The following AEBP2 variants were observed in gnomAD, a reference collection of about 807,000 sequenced individuals.
AEBP2 encodes zinc finger protein AEBP2.
AEBP2 carries 10 observed loss-of-function variants against 50.8 expected under a neutral mutation model. The observed-to-expected ratio is 0.20, with a 90% CI of 0.12 to 0.33. AEBP2 has a LOEUF of 0.33. Ranked by LOEUF, AEBP2 falls within the 10% of genes least tolerant of loss-of-function variation. AEBP2 has a pLI of 1.00. For missense variants in AEBP2, 570 were observed against 688.0 expected (o/e 0.83, Z 1.92); for synonymous variants, 296 against 261.3 (o/e 1.13, Z -1.28).
chr12:19,509,946 C>T (rs1217090647), intron 5 of AEBP2, among the ~76,000 whole-genome samples: 3 of 149,304 alleles, frequency 2.0e-5, no homozygotes, highest in Non-Finnish European at 4.4e-5. Context: ...AATTCTCCTG[C>T]CTCAGCCTCC....
At chr12:19,512,969 C>T (rs1252380213) in intron 6 of AEBP2, among the ~76,000 whole-genome samples, 1 of 151,984 alleles carries the variant, frequency 6.6e-6, no homozygotes, top group African/African-American at 2.4e-5. Context: ...ACAAAACAAA[C>T]AAAAATCTTA....
chr12:19,456,227 A>T, intron 1 of AEBP2: 1 of 1,480,426 alleles, frequency 6.8e-7, no homozygotes, highest in Non-Finnish European at 9.3e-7. Flanking sequence ...CCGGGGTGGC[A>T]GGTATTAGGG....
chr12:19,409,248 A>G (rs981523274), intron 1 of AEBP2, among the ~76,000 whole-genome samples: 4 of 152,142 alleles, frequency 2.6e-5, no homozygotes, highest in Non-Finnish European at 5.9e-5. Context: ...GCAAAATCAT[A>G]TTAGTTCAAT....
upstream of AEBP2, among the ~76,000 whole-genome samples, chr12:19,438,808 G>GT (rs1947889004): frequency 6.6e-6 from 1 of 152,102 alleles, no homozygotes; most frequent in Non-Finnish European, 1.5e-5. Flanking sequence ...TTTCCAAACT[G>GT]TATTTTAAAA....
chr12:19,504,645 A>G (rs10770498), intron 5 of AEBP2, among the ~76,000 whole-genome samples: 91,166 of 151,882 alleles, frequency 0.6, 29,104 homozygotes, highest in Non-Finnish European at 0.73. Flanking sequence ...GATATGTGTG[A>G]TACTACAGGG....
intron 1 of AEBP2, among the ~76,000 whole-genome samples, chr12:19,453,682 C>G (rs190281279): frequency 9.6e-4 from 146 of 152,244 alleles, no homozygotes; most frequent in Admixed American, 5.9e-3. Flanking sequence ...CCTTGGCCTC[C>G]CAAAGTGCTG....
At chr12:19,458,846 C>G (rs556436578) in intron 1 of AEBP2, among the ~76,000 whole-genome samples, 1 of 152,304 alleles carries the variant, frequency 6.6e-6, no homozygotes, top group Non-Finnish European at 1.5e-5. Flanking sequence ...ATAAGTTTCT[C>G]TCCCACTCTT....
chr12:19,518,227 T>C lies in AEBP2; in HGVS notation c.*110T>C. ...TTAGAGTCAACCCCTTCTTTTTTTT[T>C]TTTTTTTTTTTAAATCCAGTATTTA... is the stretch of plus-strand genomic sequence containing the variant. On this transcript the variant is annotated 3_prime_UTR_variant, in exon 8 of 8. Transcript: ENST00000266508. 7.2e-7 allele frequency: 1 copy of C among 1,386,234 alleles called. No individual in the cohort carries two copies. Among genetic ancestry groups the C allele is most frequent in the South Asian group, 1.7e-5 (1 of 57,160 alleles). The allele number at this position is 1,386,234 out of a possible 1,614,324, so 85.9% of individuals were successfully genotyped here. A position where few individuals can be genotyped will look rare whatever the true frequency, so the allele number is the denominator to read the frequency against.
Position 19,514,801 on chromosome 12 carries a change from C to G in AEBP2, c.1481+17C>G, listed in dbSNP as rs1265598332. ...CATATACAGGTAATTTAATTCTTGC[C>G]TTTATGTTTTACTTTTTGATTTGTA... On this transcript the variant is annotated intron_variant, in intron 7 of 7. Coordinates refer to ENST00000266508, the MANE Select transcript of AEBP2 (RefSeq NM_153207.5). The G allele has an allele frequency of 4.5e-6, 7 of 1,566,568 alleles. No homozygotes were observed. The highest frequency in any genetic ancestry group is 1.4e-5 in the African/African-American group (1 of 73,392).
chr12:19,502,949 G>T (rs899776746), intron 5 of AEBP2, among the ~76,000 whole-genome samples: 1 of 152,054 alleles, frequency 6.6e-6, no homozygotes, highest in African/African-American at 2.4e-5. Flanking sequence ...ACGCTTGGCT[G>T]TTTGTTTATT....
At chr12:19,458,275 G>A (rs1948309258) in intron 1 of AEBP2, among the ~76,000 whole-genome samples, 1 of 152,208 alleles carries the variant, frequency 6.6e-6, no homozygotes, top group African/African-American at 2.4e-5. Context: ...GGCAGCATGG[G>A]TCTGGGGCCA....
intron 3 of AEBP2, among the ~76,000 whole-genome samples, chr12:19,484,748 G>T (rs919220788): frequency 6.6e-6 from 1 of 151,860 alleles, no homozygotes; most frequent in Non-Finnish European, 1.5e-5. Context: ...TAACCGTTCA[G>T]ATTTTTTTTC....
At position 19,482,946 on chromosome 12, in the gene AEBP2, T is replaced by C. The variant is rs61912787; in HGVS notation, c.987+9591T>C. Among the ~76,000 whole-genome samples, 11 of 152,196 alleles carry C rather than the reference T, an allele frequency of 7.2e-5. No individual in the cohort carries two copies. In the East Asian group the frequency reaches 1.5e-3, roughly 21 times the overall value. ...TGAAGCCACTCTCACTCCCTTGGTG[T>C]ACTGCTCAGACCTTGCCCCAGGCTT... On this transcript the variant is annotated intron_variant, in intron 3 of 7. Transcript: ENST00000266508.
intron 1 of AEBP2, among the ~76,000 whole-genome samples, chr12:19,431,399 G>T (rs1371615228): frequency 6.6e-6 from 1 of 152,176 alleles, no homozygotes; most frequent in African/African-American, 2.4e-5. Flanking sequence ...TAATAATCGA[G>T]AGAGTTTTGA....
At chr12:19,483,720 A>T (rs1031442321) in intron 3 of AEBP2, among the ~76,000 whole-genome samples, 12 of 151,998 alleles carry the variant, frequency 7.9e-5, no homozygotes, top group African/African-American at 2.9e-4. Context: ...ATCGCTTTCC[A>T]TTGTGTAATA....
At position 19,518,900 on chromosome 12, in the gene AEBP2, A is replaced by T; in HGVS notation, c.*783A>T. Reference sequence around the variant, plus strand: ...TAACGGTTTTTGAAAAACCTTTCAAATTATTTGAATAATCTTCATATTTTC... The same window carrying T: ...TAACGGTTTTTGAAAAACCTTTCAATTTATTTGAATAATCTTCATATTTTC... On this transcript the variant is annotated 3_prime_UTR_variant, in exon 8 of 8. Coordinates refer to ENST00000266508, the MANE Select transcript of AEBP2 (RefSeq NM_153207.5). The T allele has an allele frequency of 2.6e-6, 1 of 386,230 alleles. No homozygotes were observed. Among genetic ancestry groups the T allele is most frequent in the Non-Finnish European group, 4.5e-6 (1 of 222,514 alleles). The allele number at this position is 386,230 out of a possible 1,614,324, so 23.9% of individuals were successfully genotyped here.
intron 5 of AEBP2, among the ~76,000 whole-genome samples, chr12:19,511,931 A>T (rs1311312890): frequency 6.6e-6 from 1 of 152,164 alleles, no homozygotes; most frequent in Non-Finnish European, 1.5e-5. Flanking sequence ...TGTGGGAAAG[A>T]CAAAGGTTTG....
rs542713646 is a variant in AEBP2 at position 19,415,298 on chromosome 12, C to T, written c.-17+11082C>T. On this transcript the variant is annotated intron_variant, in intron 1 of 3. Transcript: ENST00000538425. ...ACTGCACTCCAGCCTGGATGATAGA[C>T]GGAATGAGACCCTGTCTCAAAAAAA... is the stretch of plus-strand genomic sequence containing the variant. 2.6e-4 allele frequency among the ~76,000 whole-genome samples: 29 copies of T among 110,374 alleles called. No individual in the cohort carries two copies. The East Asian group carries it at 7.8e-3, about 30-fold the overall frequency. The allele number at this position is 110,374 out of a possible 152,430, so 72.4% of individuals were successfully genotyped here. A position where few individuals can be genotyped will look rare whatever the true frequency, so the allele number is the denominator to read the frequency against.
chr12:19,505,719 A>T (rs1949146542), intron 5 of AEBP2, among the ~76,000 whole-genome samples: 1 of 152,158 alleles, frequency 6.6e-6, no homozygotes, highest in African/African-American at 2.4e-5. Context: ...ATTCTGTGTG[A>T]GATGGGAAGC....
Sources: gnomAD v4.1 joint callset for allele counts (sites outside exome capture counted in the v4.1 genomes callset) on GRCh38, gnomAD v4.1.1 for gene constraint, MANE v1.5 for transcripts, NCBI Gene and HGNC (gene_info 2026-07-23, HGNC 2026-07-21) for gene names.